Variants in CAMK4 observed in about 807,000 individuals in gnomAD.
CAMK4 encodes calcium/calmodulin-dependent protein kinase type IV.
A neutral mutation model predicts 44.9 loss-of-function variants in CAMK4; 22 were observed. The observed-to-expected ratio is 0.49, with a 90% CI of 0.35 to 0.70. The LOEUF is 0.70. Among genes scored for constraint, CAMK4 ranks in the 30% least tolerant of loss-of-function variants. The pLI is 0.01. For synonymous variants in CAMK4, 218 were observed against 215.4 expected (o/e 1.01, Z -0.11); for missense variants, 498 against 586.8 (o/e 0.85, Z 1.56).
intron 1 of CAMK4, among the ~76,000 whole-genome samples, chr5:111,301,276 A>G (rs974035901): frequency 6.6e-6 from 1 of 152,268 alleles, no homozygotes; most frequent in Non-Finnish European, 1.5e-5. Context: ...AAGACTTAAC[A>G]TATCCTACAG....
intron 1 of CAMK4, among the ~76,000 whole-genome samples, chr5:111,272,077 G>C (rs542429965): frequency 6.6e-6 from 1 of 151,924 alleles, no homozygotes; most frequent in South Asian, 2.1e-4. Context: ...ATGGTGTCTG[G>C]CCCACAGACA....
intron 7 of CAMK4, among the ~76,000 whole-genome samples, chr5:111,463,517 C>T (rs971362342): frequency 5.9e-5 from 9 of 152,206 alleles, no homozygotes; most frequent in Non-Finnish European, 1.3e-4. Context: ...GTGCCACCTC[C>T]TGGCAGGAGG....
At chr5:111,380,651 AAT>A (rs1751379843) in intron 4 of CAMK4, among the ~76,000 whole-genome samples, 1 of 152,150 alleles carries the variant, frequency 6.6e-6, no homozygotes, top group African/African-American at 2.4e-5. Context: ...TGCTAAGGAT[AAT>A]GGCCTCCATT....
intron 2 of CAMK4, among the ~76,000 whole-genome samples, chr5:111,367,034 G>T (rs1224897202): frequency 6.6e-6 from 1 of 151,418 alleles, no homozygotes; most frequent in African/African-American, 2.4e-5. Context: ...TGGAGACAAG[G>T]TTCTTTCTGA....
intron 2 of CAMK4, among the ~76,000 whole-genome samples, chr5:111,372,192 G>A (rs1304954175): frequency 6.6e-6 from 1 of 152,136 alleles, no homozygotes; most frequent in South Asian, 2.1e-4. Flanking sequence ...AATACTTCAG[G>A]ATCTTAGGAA....
At chr5:111,227,888 C>T (rs1418357048) in intron 1 of CAMK4, among the ~76,000 whole-genome samples, 2 of 152,210 alleles carry the variant, frequency 1.3e-5, no homozygotes, top group African/African-American at 2.4e-5. Context: ...TACGAATTGG[C>T]CATGATCCTA....
In CAMK4 at chr5:111,374,872, C is replaced by T. The variant is rs1359980318; in HGVS notation, c.263C>T (p.Thr88Ile). Residue 88 changes from threonine (T) to isoleucine (I), a missense_variant, in exon 3 of 11, where the codon ACT becomes ATT. Thr to Ile is a moderately conservative substitution (Grantham distance 89). Coordinates refer to ENST00000282356, the MANE Select transcript of CAMK4 (RefSeq NM_001744.6). ...TAGGTGGACAAAAAAATCGTAAGAA[C>T]TGAGATAGGAGTTCTTCTTCGCCTC... ...KKTVDKKIVR[T>I]EIGVLLRLSH... 6.2e-7 allele frequency: 1 copy of T among 1,611,480 alleles called. No individual in the cohort carries two copies. The highest frequency in any genetic ancestry group is 8.5e-7 in the Non-Finnish European group (1 of 1,178,158).
chr5:111,232,395 T>C (rs1358738143), intron 1 of CAMK4, among the ~76,000 whole-genome samples: 1 of 152,062 alleles, frequency 6.6e-6, no homozygotes, highest in Non-Finnish European at 1.5e-5. Context: ...GGCAGGATTT[T>C]AATAGGTAGA....
chr5:111,356,188 T>C (rs1445796803), intron 2 of CAMK4, among the ~76,000 whole-genome samples: 134 of 143,410 alleles, frequency 9.3e-4, no homozygotes, highest in African/African-American at 2.9e-3. Context: ...TTTTAATGAT[T>C]GCCATTCTAA....
intron 9 of CAMK4, 80 bp downstream of exon 9, chr5:111,478,587 A>G: frequency 1.6e-6 from 1 of 626,312 alleles, no homozygotes; most frequent in Non-Finnish European, 2.5e-6. Flanking sequence ...AATTTTTTAA[A>G]ATTTTACCCA....
chr5:111,336,965 A>T (rs1580612911), intron 1 of CAMK4, among the ~76,000 whole-genome samples: 1 of 151,096 alleles, frequency 6.6e-6, no homozygotes, highest in African/African-American at 2.4e-5. Context: ...CTGTATTTTC[A>T]TTGAACTATA....
chr5:111,377,660 C>G (rs1751265731), intron 4 of CAMK4, among the ~76,000 whole-genome samples: 1 of 152,112 alleles, frequency 6.6e-6, no homozygotes, highest in Non-Finnish European at 1.5e-5. Flanking sequence ...TCCTGATGGG[C>G]TCTTGAGAGC....
chr5:111,468,375 A>C (rs540710973), intron 7 of CAMK4, among the ~76,000 whole-genome samples: 26 of 152,308 alleles, frequency 1.7e-4, no homozygotes, highest in Admixed American at 3.3e-4. Context: ...ATTTTCTTCT[A>C]TTTTGTTTGT....
intron 1 of CAMK4, among the ~76,000 whole-genome samples, chr5:111,332,722 G>T (rs1749223068): frequency 6.6e-6 from 1 of 151,476 alleles, no homozygotes; most frequent in Admixed American, 6.6e-5. Context: ...AGTGCATTTG[G>T]GTGTTATGCC....
chr5:111,334,761 A>G (rs963370908), intron 1 of CAMK4, among the ~76,000 whole-genome samples: 2 of 151,626 alleles, frequency 1.3e-5, no homozygotes, highest in African/African-American at 4.8e-5. Flanking sequence ...GGATCTTTCC[A>G]GTAAGCACAT....
intron 2 of CAMK4, among the ~76,000 whole-genome samples, chr5:111,356,904 C>G (rs1363156353): frequency 6.6e-6 from 1 of 151,962 alleles, no homozygotes; most frequent in African/African-American, 2.4e-5. Context: ...AGAAAACAAA[C>G]ACTATAATTC....
intron 1 of CAMK4, among the ~76,000 whole-genome samples, chr5:111,333,916 C>A (rs1023211658): frequency 6.6e-6 from 1 of 151,444 alleles, no homozygotes; most frequent in Non-Finnish European, 1.5e-5. Flanking sequence ...GCTGAAACAA[C>A]AAATGAGGAC....
intron 2 of CAMK4, among the ~76,000 whole-genome samples, chr5:111,356,199 C>G (rs1750345833): frequency 6.7e-6 from 1 of 149,636 alleles, no homozygotes; most frequent in Non-Finnish European, 1.5e-5. Context: ...GCCATTCTAA[C>G]TGGTGTGAGA....
chr5:111,366,427 C>T (rs960466112), intron 2 of CAMK4, among the ~76,000 whole-genome samples: 2 of 152,130 alleles, frequency 1.3e-5, no homozygotes, highest in Non-Finnish European at 2.9e-5. Flanking sequence ...TAGGCTACAT[C>T]TAAGATAGCC....
Sources: gnomAD v4.1 joint callset for allele counts (sites outside exome capture counted in the v4.1 genomes callset) on GRCh38, gnomAD v4.1.1 for gene constraint, MANE v1.5 for transcripts, NCBI Gene and HGNC (gene_info 2026-07-23, HGNC 2026-07-21) for gene names.